GABRG2: variants seen among roughly 807,000 people sequenced by gnomAD.
The protein encoded by GABRG2 is gamma-aminobutyric acid receptor subunit gamma-2.
Under a neutral mutation model 56.4 loss-of-function variants are expected in GABRG2, and 16 were observed. The ratio of observed to expected loss-of-function variants is 0.28; its 90% CI spans 0.19 to 0.43. GABRG2 has a LOEUF of 0.43. Ranked by LOEUF, GABRG2 falls within the 20% of genes least tolerant of loss-of-function variation. The probability of loss-of-function intolerance (pLI) is 1.00; values close to 1 mark genes in which losing one functional copy is unlikely to be tolerated. For synonymous variants in GABRG2, 208 were observed against 205.5 expected (o/e 1.01, Z -0.10); for missense variants, 327 against 582.7 (o/e 0.56, Z 4.52).
chr5:162,114,832 C>G (rs1462149784), intron 6 of GABRG2, among the ~76,000 whole-genome samples: 3 of 152,162 alleles, frequency 2.0e-5, no homozygotes, highest in African/African-American at 7.2e-5. Flanking sequence ...AATAAAATTG[C>G]AAAGTTCTAT....
chr5:162,102,158 A>C (rs1251841153), intron 5 of GABRG2: 1 of 177,420 alleles, frequency 5.6e-6, no homozygotes, highest in African/African-American at 2.4e-5. Flanking sequence ...CCTGTTTATC[A>C]CTTCATCAAT....
At chr5:162,078,261 T>C (rs927677840) in intron 1 of GABRG2, among the ~76,000 whole-genome samples, 3 of 151,324 alleles carry the variant, frequency 2.0e-5, no homozygotes, top group Non-Finnish European at 2.9e-5. Context: ...GCTCTTCTCA[T>C]TGTATCCTCA....
At chr5:162,093,309 A>G (rs969224234) in intron 1 of GABRG2, among the ~76,000 whole-genome samples, 1 of 152,100 alleles carries the variant, frequency 6.6e-6, no homozygotes, top group African/African-American at 2.4e-5. Flanking sequence ...GGGGAAGCAA[A>G]AGCAAAGAGA....
Position 162,093,902 on chromosome 5 carries a change from T to C in GABRG2, c.182T>C (p.Val61Ala). 1 of 1,613,328 alleles carries C rather than the reference T, an allele frequency of 6.2e-7. No individual in the cohort carries two copies. The highest frequency in any genetic ancestry group is 1.7e-5 in the Admixed American group (1 of 59,928). Residue 61 changes from valine to alanine, a missense_variant, in exon 2 of 10, where the codon GTT (valine) becomes GCT (alanine). By Grantham distance (64) the Val-to-Ala change is moderately conservative. Around this residue, in one of 4 missense-constraint regions of GABRG2, gnomAD observed 73 missense variants for 72.2 expected, o/e 1.01. Coordinates refer to ENST00000639213, the MANE Select transcript of GABRG2 (RefSeq NM_198904.4). ...SNKTWVLTPK[V>A]PEGDVTVILN... ...AAAACATGGGTCTTGACTCCAAAAG[T>C]TCCTGAGGGTGATGTCACTGTCATC...
intron 6 of GABRG2, among the ~76,000 whole-genome samples, chr5:162,122,607 C>T (rs1412779706): frequency 6.6e-6 from 1 of 151,326 alleles, no homozygotes; most frequent in Non-Finnish European, 1.5e-5. Flanking sequence ...CATGACAGAC[C>T]ACCCATTATA....
At chr5:162,152,676 GCATGACA>G (rs1409252372) in intron 9 of GABRG2, 1 of 365,202 alleles carries the variant, frequency 2.7e-6, no homozygotes, top group Non-Finnish European at 5.0e-6. Context: ...CTATAACTAA[GCATGACA>G]CAATATTTGA....
At chr5:162,103,776 A>G (rs967482548) in intron 5 of GABRG2, 113 bp from the exon 6 acceptor site, 2 of 1,185,382 alleles carry the variant, frequency 1.7e-6, no homozygotes, top group Non-Finnish European at 2.5e-6. Flanking sequence ...ATCCTCATTT[A>G]GCTTGTAACT....
chr5:162,150,909 A>G (rs1435515618), intron 8 of GABRG2: 3 of 151,922 alleles, frequency 2.0e-5, no homozygotes, highest in Non-Finnish European at 4.4e-5. Flanking sequence ...CTGACTTTCC[A>G]TTTTCTCTAT....
intron 8 of GABRG2, 188 bp downstream of exon 8, chr5:162,149,501 T>C (rs1221885505): frequency 1.2e-5 from 9 of 737,334 alleles, no homozygotes; most frequent in Non-Finnish European, 2.0e-5. Flanking sequence ...TCAAGTCTGT[T>C]TCTATTTTCT....
chr5:162,152,563 A>T, intron 9 of GABRG2: 1 of 326,350 alleles, frequency 3.1e-6, no homozygotes, highest in South Asian at 3.0e-5. Context: ...CATAAGCCAT[A>T]CCATTGTGGT....
intron 1 of GABRG2, among the ~76,000 whole-genome samples, chr5:162,079,257 T>C (rs1334134834): frequency 2.0e-5 from 3 of 152,138 alleles, no homozygotes; most frequent in Admixed American, 1.3e-4. Context: ...CAGTAAATTC[T>C]AGAAACTCAA....
At chr5:162,149,058 C>T in intron 7 of GABRG2, 50 bp from the exon 8 acceptor site, 2 of 1,567,488 alleles carry the variant, frequency 1.3e-6, no homozygotes, top group Admixed American at 1.7e-5. Context: ...ACTCAGTTAC[C>T]CAACTTGCTT....
intron 1 of GABRG2, among the ~76,000 whole-genome samples, chr5:162,075,859 C>T (rs986911671): frequency 6.6e-6 from 1 of 151,980 alleles, no homozygotes; most frequent in Non-Finnish European, 1.5e-5. Context: ...AGTTTGATGA[C>T]CCTCAGTCAA....
rs1759798734 is a variant in GABRG2, at chr5:162,083,185, AT to A, written c.108-10641del. 2.6e-5 allele frequency among the ~76,000 whole-genome samples: 4 copies of A among 151,760 alleles called. No individual in the cohort carries two copies. In the South Asian group the frequency reaches 8.3e-4, roughly 31 times the overall value. Reference sequence around the variant, plus strand: ...TCAAATATCTAAACATGAAAATAAAATTGGAATATTTCATTTCCTGTCACCA... The same window carrying A: ...TCAAATATCTAAACATGAAAATAAAATGGAATATTTCATTTCCTGTCACCA... On this transcript the variant is annotated intron_variant, in intron 1 of 9. Transcript: ENST00000639213.
chr5:162,112,312 T>G (rs1762306700), intron 6 of GABRG2, among the ~76,000 whole-genome samples: 1 of 152,134 alleles, frequency 6.6e-6, no homozygotes, highest in Non-Finnish European at 1.5e-5. Context: ...CTGAAAATCC[T>G]ATTTTGCTAC....
chr5:162,082,554 G>T (rs567344791), intron 1 of GABRG2, among the ~76,000 whole-genome samples: 1 of 151,576 alleles, frequency 6.6e-6, no homozygotes, highest in Non-Finnish European at 1.5e-5. Flanking sequence ...TCCAAAATGG[G>T]TTCATGAAGA....
chr5:162,085,101 T>C (rs1286297133), intron 1 of GABRG2, among the ~76,000 whole-genome samples: 1 of 151,966 alleles, frequency 6.6e-6, no homozygotes, highest in Non-Finnish European at 1.5e-5. Context: ...AGGCCGTCAA[T>C]ATTGTATGTA....
chr5:162,129,712 T>G (rs1763593658), intron 6 of GABRG2, among the ~76,000 whole-genome samples: 1 of 151,920 alleles, frequency 6.6e-6, no homozygotes, highest in Admixed American at 6.6e-5. Flanking sequence ...ATAACAGGTT[T>G]TTTCTAAATT....
chr5:162,108,824 C>G (rs1762019514), intron 6 of GABRG2, among the ~76,000 whole-genome samples: 1 of 152,108 alleles, frequency 6.6e-6, no homozygotes, highest in South Asian at 2.1e-4. Context: ...TCCATTAACT[C>G]CTCCAAGAGC....
Sources: allele counts gnomAD v4.1 joint callset (sites outside exome capture counted in the v4.1 genomes callset), GRCh38; gene constraint gnomAD v4.1.1; regional missense constraint gnomAD v4.1.1; transcripts MANE v1.5; gene names NCBI Gene and HGNC (gene_info 2026-07-23, HGNC 2026-07-21).